GADL1: variants seen among roughly 807,000 people sequenced by gnomAD.
GADL1 encodes the protein acidic amino acid decarboxylase GADL1.
Under a neutral mutation model 69.5 loss-of-function variants are expected in GADL1, and 71 were observed. The observed-to-expected ratio is 1.02, with a 90% CI of 0.84 to 1.25. The LOEUF (loss-of-function observed/expected upper bound fraction) is 1.25, where lower values mean the gene tolerates loss of function less well. Ranked by LOEUF, GADL1 falls within the 50% of genes most tolerant of loss-of-function variation. The pLI, the probability that GADL1 is intolerant of heterozygous loss-of-function variation, is 0.00. For missense variants in GADL1, 737 were observed against 631.8 expected (o/e 1.17, Z -1.79); for synonymous variants, 254 against 214.4 (o/e 1.18, Z -1.62).
intron 11 of GADL1, among the ~76,000 whole-genome samples, chr3:30,823,738 G>T (rs891527224): frequency 2.0e-5 from 3 of 151,944 alleles, no homozygotes; most frequent in Non-Finnish European, 2.9e-5. Context: ...GTAAATCTAT[G>T]CTTACAGTGT....
At chr3:30,758,236 G>A (rs1019688033) in intron 14 of GADL1, among the ~76,000 whole-genome samples, 2 of 152,156 alleles carry the variant, frequency 1.3e-5, no homozygotes, top group African/African-American at 2.4e-5. Context: ...ACATACAGTT[G>A]CATGCACCAA....
intron 14 of GADL1, among the ~76,000 whole-genome samples, chr3:30,751,896 C>T (rs1008357083): frequency 6.6e-6 from 1 of 152,220 alleles, no homozygotes; most frequent in African/African-American, 2.4e-5. Flanking sequence ...TCATCCCCAA[C>T]CAATCTTGTT....
At chr3:30,765,008 G>A (rs1194327669) in intron 14 of GADL1, among the ~76,000 whole-genome samples, 3 of 150,780 alleles carry the variant, frequency 2.0e-5, no homozygotes, top group African/African-American at 4.9e-5. Flanking sequence ...TGCAGGTTTA[G>A]CCATCTGTAG....
intron 13 of GADL1, among the ~76,000 whole-genome samples, chr3:30,781,735 C>T (rs1048327151): frequency 4.6e-5 from 7 of 152,078 alleles, no homozygotes; most frequent in African/African-American, 1.7e-4. Flanking sequence ...TGATGTCTGC[C>T]CCACAGGGTT....
At chr3:30,867,103 G>A (rs1698414906) in intron 1 of GADL1, among the ~76,000 whole-genome samples, 2 of 151,974 alleles carry the variant, frequency 1.3e-5, no homozygotes, top group South Asian at 2.1e-4. Context: ...GAGCCCATCT[G>A]AGGAAAGTGA....
At chr3:30,891,645 T>C (rs969255616) in intron 1 of GADL1, among the ~76,000 whole-genome samples, 2 of 150,638 alleles carry the variant, frequency 1.3e-5, no homozygotes, top group African/African-American at 4.9e-5. Flanking sequence ...CTTGGTTTCC[T>C]TAAAATAAAA....
At chr3:30,819,839 CAA>C (rs1181659077) in intron 11 of GADL1, among the ~76,000 whole-genome samples, 29 of 151,600 alleles carry the variant, frequency 1.9e-4, no homozygotes, top group African/African-American at 7.0e-4. Flanking sequence ...AAAATCTTAG[CAA>C]AATATATTTG....
intron 1 of GADL1, among the ~76,000 whole-genome samples, chr3:30,862,892 T>C (rs1698341934): frequency 6.6e-6 from 1 of 152,010 alleles, no homozygotes; most frequent in African/African-American, 2.4e-5. Context: ...TTTTCATTCT[T>C]GCAGCATCTT....
intron 2 of GADL1, among the ~76,000 whole-genome samples, chr3:30,860,725 C>T (rs1698307936): frequency 6.6e-6 from 1 of 151,946 alleles, no homozygotes; most frequent in Admixed American, 6.6e-5. Flanking sequence ...TGATAATCCA[C>T]CTCCAACATG....
intron 14 of GADL1, among the ~76,000 whole-genome samples, chr3:30,728,934 T>C (rs950878056): frequency 6.7e-6 from 1 of 148,630 alleles, no homozygotes. Flanking sequence ...ATATGGATAT[T>C]ATGTACAGTT....
chr3:30,863,469 C>T lies in GADL1; in HGVS notation c.38-1704G>A, dbSNP rs1227895298. On this transcript the variant is annotated intron_variant, in intron 1 of 14. Coordinates refer to ENST00000282538, the MANE Select transcript of GADL1 (RefSeq NM_207359.3). ...ATCTGAGAAGAAAGGTTACTGCCTA[C>T]CCAAAATAGCCCTCCACAAAAATAA... Among the ~76,000 whole-genome samples the T allele has an allele frequency of 2.0e-5, 3 of 151,938 alleles. No homozygotes were observed. In the East Asian group the frequency reaches 5.8e-4, roughly 29 times the overall value.
chr3:30,817,159 T>C (rs1367544711), intron 11 of GADL1, among the ~76,000 whole-genome samples: 1 of 152,172 alleles, frequency 6.6e-6, no homozygotes, highest in Non-Finnish European at 1.5e-5. Context: ...GCGTGTCTGT[T>C]TTTGGTTCTA....
At chr3:30,758,838 G>A (rs577689992) in intron 14 of GADL1, among the ~76,000 whole-genome samples, 2 of 152,328 alleles carry the variant, frequency 1.3e-5, no homozygotes, top group East Asian at 3.9e-4. Flanking sequence ...GTAAAAGCTG[G>A]TACAAGTGTC....
chr3:30,798,201 C>T (rs1038116656), intron 12 of GADL1: 6 of 152,506 alleles, frequency 3.9e-5, no homozygotes, highest in Non-Finnish European at 8.8e-5. Flanking sequence ...AGACTTGGGC[C>T]TGCTGCTCCT....
At chr3:30,858,605 G>A (rs1698266547) in intron 2 of GADL1, among the ~76,000 whole-genome samples, 1 of 151,968 alleles carries the variant, frequency 6.6e-6, no homozygotes, top group Non-Finnish European at 1.5e-5. Context: ...AGATTGGATG[G>A]CAGCAATGGG....
chr3:30,755,332 A>G (rs4423806), intron 14 of GADL1, among the ~76,000 whole-genome samples: 4,987 of 152,124 alleles, frequency 0.033, 200 homozygotes, highest in East Asian at 0.13. Flanking sequence ...CAATAAATGG[A>G]GAGTTCCAAG....
At chr3:30,830,938 C>T (rs931359714) in intron 11 of GADL1, among the ~76,000 whole-genome samples, 1 of 150,534 alleles carries the variant, frequency 6.6e-6, no homozygotes, top group African/African-American at 2.5e-5. Context: ...ACACCTGCTT[C>T]TCTCTCATCT....
At chr3:30,773,214 A>G (rs139856039) in intron 14 of GADL1, among the ~76,000 whole-genome samples, 2 of 152,352 alleles carry the variant, frequency 1.3e-5, no homozygotes, top group Non-Finnish European at 2.9e-5. Flanking sequence ...TCTACATGCT[A>G]TATTTCTAAG....
intron 11 of GADL1, among the ~76,000 whole-genome samples, chr3:30,809,288 T>C (rs1359276538): frequency 6.6e-6 from 1 of 152,200 alleles, no homozygotes; most frequent in Non-Finnish European, 1.5e-5. Flanking sequence ...TTTGTCAGAG[T>C]AGAAAATATT....
Sources: gnomAD v4.1 joint callset for allele counts (sites outside exome capture counted in the v4.1 genomes callset) on GRCh38, gnomAD v4.1.1 for gene constraint, MANE v1.5 for transcripts, NCBI Gene and HGNC (gene_info 2026-07-23, HGNC 2026-07-21) for gene names.